Variants in DLGAP2 observed in about 807,000 individuals in gnomAD.
DLGAP2 encodes the protein DLG associated protein 2.
Under a neutral mutation model 100.3 loss-of-function variants are expected in DLGAP2, and 26 were observed. That is an observed-to-expected ratio of 0.26 (90% CI 0.19 to 0.36). DLGAP2 has a LOEUF of 0.36. Among genes scored for constraint, DLGAP2 ranks in the 10% least tolerant of loss-of-function variants. The pLI is 1.00. For synonymous variants in DLGAP2, 886 were observed against 630.1 expected, an observed-to-expected ratio of 1.41 and a Z score of -6.08; for missense variants, 1,858 against 1,453.2, an observed-to-expected ratio of 1.28 and a Z score of -4.53.
chr8:1,518,987 C>T (rs966107241), intron 4 of DLGAP2, among the ~76,000 whole-genome samples: 2 of 152,140 alleles, frequency 1.3e-5, no homozygotes, highest in Non-Finnish European at 2.9e-5. Context: ...CCCTCCCGAC[C>T]GTGTGTCCTC....
At chr8:937,936 C>G (rs1462393920) in intron 2 of DLGAP2, among the ~76,000 whole-genome samples, 1 of 152,158 alleles carries the variant, frequency 6.6e-6, no homozygotes, top group Non-Finnish European at 1.5e-5. Context: ...CCATCCCGGC[C>G]TTTCTGCAGT....
chr8:1,150,339 TG>T (rs1259222392), intron 2 of DLGAP2, among the ~76,000 whole-genome samples: 3 of 152,230 alleles, frequency 2.0e-5, no homozygotes, highest in African/African-American at 7.2e-5. Flanking sequence ...AGCCAGGGCA[TG>T]GTATCATTGC....
intron 2 of DLGAP2, among the ~76,000 whole-genome samples, chr8:938,021 A>G (rs984592204): frequency 1.3e-5 from 2 of 152,106 alleles, no homozygotes; most frequent in Non-Finnish European, 2.9e-5. Context: ...CTTGTGTCTC[A>G]GACAACTATT....
chr8:1,173,094 C>A (rs999798829), intron 2 of DLGAP2, among the ~76,000 whole-genome samples: 3 of 152,178 alleles, frequency 2.0e-5, no homozygotes, highest in African/African-American at 7.2e-5. Flanking sequence ...AGTTTTCCTT[C>A]TAAGAGACAG....
intron 2 of DLGAP2, among the ~76,000 whole-genome samples, chr8:937,800 C>T (rs1461682441): frequency 1.3e-5 from 2 of 152,160 alleles, no homozygotes; most frequent in Non-Finnish European, 2.9e-5. Context: ...GTCTAGGCCT[C>T]ATTTTTCTCT....
chr8:1,434,991 T>C (rs147066505), intron 3 of DLGAP2, among the ~76,000 whole-genome samples: 134 of 152,270 alleles, frequency 8.8e-4, no homozygotes, highest in African/African-American at 3.0e-3. Flanking sequence ...ATGTACAACA[T>C]TCAGTACTCT....
At chr8:1,246,337 C>G (rs57003739) in intron 2 of DLGAP2, among the ~76,000 whole-genome samples, 1 of 152,076 alleles carries the variant, frequency 6.6e-6, no homozygotes, top group Non-Finnish European at 1.5e-5. Context: ...ATGTGAATTT[C>G]AAGCGATGGT....
chr8:836,760 C>A lies in DLGAP2; in HGVS notation c.19-71152C>A, dbSNP rs143799091. On this transcript the variant is annotated intron_variant, in intron 1 of 14. Coordinates refer to ENST00000637795, the MANE Select transcript of DLGAP2 (RefSeq NM_001346810.2). The stretch of plus-strand genomic sequence containing the variant: ...AGGAGACGAGGGCGTTTCATGTGAA[C>A]ACCACGTTAACAAGCTGCTTATTTA... Among the ~76,000 whole-genome samples, 826 of 152,304 alleles carry A rather than the reference C, an allele frequency of 5.4e-3. 7 individuals are homozygous for A. The highest frequency in any genetic ancestry group is 0.011 in the Admixed American group (161 of 15,304).
chr8:1,469,350 G>A (rs1442913311), intron 3 of DLGAP2, among the ~76,000 whole-genome samples: 7 of 152,212 alleles, frequency 4.6e-5, no homozygotes, highest in African/African-American at 1.7e-4. Context: ...AGAGCGAAGC[G>A]GGCTTTATTC....
At chr8:780,448 C>T (rs530421803) in intron 1 of DLGAP2, among the ~76,000 whole-genome samples, 1 of 152,290 alleles carries the variant, frequency 6.6e-6, no homozygotes, top group Non-Finnish European at 1.5e-5. Context: ...GTGCAGTGAC[C>T]ATAGTGGTAC....
chr8:1,426,890 G>A (rs1013732661), intron 3 of DLGAP2, among the ~76,000 whole-genome samples: 5 of 143,392 alleles, frequency 3.5e-5, no homozygotes, highest in Non-Finnish European at 8.0e-5. Context: ...CAATGCATAT[G>A]AAAGGGGAAA....
intron 4 of DLGAP2, among the ~76,000 whole-genome samples, chr8:1,518,946 A>T (rs1033689185): frequency 5.3e-5 from 8 of 151,870 alleles, no homozygotes; most frequent in African/African-American, 1.9e-4. Context: ...GATGAGACCA[A>T]CTCTGCTTGG....
At chr8:1,681,822 A>T (rs1164715173) in intron 12 of DLGAP2, among the ~76,000 whole-genome samples, 1 of 152,130 alleles carries the variant, frequency 6.6e-6, no homozygotes, top group Non-Finnish European at 1.5e-5. Context: ...TCTTGCCCCA[A>T]ATCACAGAAT....
At chr8:1,588,439 C>G (rs1445547127) in intron 6 of DLGAP2, among the ~76,000 whole-genome samples, 1 of 152,146 alleles carries the variant, frequency 6.6e-6, no homozygotes, top group African/African-American at 2.4e-5. Context: ...GTAATTCTCC[C>G]CAATAGTAAA....
intron 6 of DLGAP2, among the ~76,000 whole-genome samples, chr8:1,622,788 G>A (rs111575029): frequency 7.2e-5 from 11 of 152,218 alleles, no homozygotes; most frequent in African/African-American, 2.4e-4. Context: ...CACCTGGGAT[G>A]CCGCAGGAAT....
chr8:1,440,898 A>C (rs150557814), intron 3 of DLGAP2, among the ~76,000 whole-genome samples: 7 of 152,194 alleles, frequency 4.6e-5, no homozygotes, highest in African/African-American at 1.4e-4. Flanking sequence ...CTTTCATGCC[A>C]AGTTTGGAGG....
intron 6 of DLGAP2, among the ~76,000 whole-genome samples, chr8:1,609,508 A>T (rs930420175): frequency 4.4e-5 from 6 of 137,574 alleles, no homozygotes; most frequent in Admixed American, 3.1e-4. Context: ...CCAGCTAACA[A>T]CATAATGACA....
chr8:1,682,685 G>A (rs1798984825), intron 12 of DLGAP2, among the ~76,000 whole-genome samples: 2 of 151,484 alleles, frequency 1.3e-5, no homozygotes, highest in African/African-American at 2.4e-5. Flanking sequence ...TGTTGGCCAG[G>A]ATAATCGTGA....
chr8:1,075,807 C>T (rs748692306), intron 2 of DLGAP2, among the ~76,000 whole-genome samples: 1 of 151,982 alleles, frequency 6.6e-6, no homozygotes, highest in Non-Finnish European at 1.5e-5. Context: ...CAACTCAGGC[C>T]TGTAATCCCA....
Sources: gnomAD v4.1 joint callset for allele counts (sites outside exome capture counted in the v4.1 genomes callset) on GRCh38, gnomAD v4.1.1 for gene constraint, MANE v1.5 for transcripts, NCBI Gene and HGNC (gene_info 2026-07-23, HGNC 2026-07-21) for gene names.